The following HCN1 variants were observed in gnomAD, a reference collection of about 807,000 sequenced individuals.
The protein encoded by HCN1 is hyperpolarization activated cyclic nucleotide gated potassium channel 1, also known as potassium/sodium hyperpolarization-activated cyclic nucleotide-gated channel 1.
Under a neutral mutation model 78.9 loss-of-function variants are expected in HCN1, and 13 were observed. That is an observed-to-expected ratio of 0.16 (90% CI 0.11 to 0.26). The LOEUF (loss-of-function observed/expected upper bound fraction) is 0.26. Among genes scored for constraint, HCN1 ranks in the 10% least tolerant of loss-of-function variants. The probability of loss-of-function intolerance (pLI) is 1.00; values close to 1 mark genes in which losing one functional copy is unlikely to be tolerated. For synonymous variants in HCN1, 552 were observed against 455.5 expected, an observed-to-expected ratio of 1.21 and a Z score of -2.70; for missense variants, 810 against 1,154.3, an observed-to-expected ratio of 0.70 and a Z score of 4.32.
chr5:45,422,213 TACTTCTACATG>T (rs1740244624), intron 3 of HCN1, among the ~76,000 whole-genome samples: 1 of 152,224 alleles, frequency 6.6e-6, no homozygotes, highest in Non-Finnish European at 1.5e-5. Context: ...TGTCCAATCA[TACTTCTACATG>T]ACTGTCTACT....
At chr5:45,466,320 C>G (rs1220181010) in intron 2 of HCN1, among the ~76,000 whole-genome samples, 3 of 152,220 alleles carry the variant, frequency 2.0e-5, no homozygotes, top group Non-Finnish European at 2.9e-5. Context: ...AACCAAAAAA[C>G]TATCAAAAAT....
At chr5:45,474,144 T>C (rs932083677) in intron 2 of HCN1, among the ~76,000 whole-genome samples, 1 of 151,888 alleles carries the variant, frequency 6.6e-6, no homozygotes, top group African/African-American at 2.4e-5. Flanking sequence ...TTTTTACTTA[T>C]AATCAAGGCA....
At position 45,260,611 on chromosome 5, in the gene HCN1, T is replaced by C. The variant is rs1744718288; in HGVS notation, c.*1310A>G. The C allele has an allele frequency of 6.6e-6, 1 of 152,602 alleles. No homozygotes were observed. Among genetic ancestry groups the C allele is most frequent in the African/African-American group, 2.4e-5 (1 of 41,446 alleles). 9.5% of individuals were successfully genotyped at this position (152,602 alleles called of 1,614,324 possible). A position where few individuals can be genotyped will look rare whatever the true frequency, so the allele number is the denominator to read the frequency against. ...GTGTTCCCAAACAGACGTGATGCTG[T>C]ATTGAATTTATTTCTTTAAATTAAT... is the stretch of plus-strand genomic sequence containing the variant. On this transcript the variant is annotated 3_prime_UTR_variant, in exon 8 of 8. Transcript: ENST00000303230.
intron 5 of HCN1, among the ~76,000 whole-genome samples, chr5:45,320,249 A>T (rs1315003310): frequency 6.6e-6 from 1 of 151,862 alleles, no homozygotes; most frequent in African/African-American, 2.4e-5. Context: ...AATCTATACC[A>T]CATGACACCT....
At chr5:45,564,426 C>T (rs1743667183) in intron 2 of HCN1, among the ~76,000 whole-genome samples, 1 of 151,924 alleles carries the variant, frequency 6.6e-6, no homozygotes, top group Non-Finnish European at 1.5e-5. Context: ...TTAGTAGAAA[C>T]GGGGTTTCAC....
chr5:45,620,048 A>G (rs1485448675), intron 2 of HCN1, among the ~76,000 whole-genome samples: 1 of 152,122 alleles, frequency 6.6e-6, no homozygotes, highest in Non-Finnish European at 1.5e-5. Context: ...TGAGAAGAGC[A>G]CTTCATCTAA....
At chr5:45,555,541 T>A (rs1416365864) in intron 2 of HCN1, among the ~76,000 whole-genome samples, 1 of 151,540 alleles carries the variant, frequency 6.6e-6, no homozygotes, top group Admixed American at 6.6e-5. Context: ...TAGAAAAAAA[T>A]TCTAAAATTT....
intron 3 of HCN1, among the ~76,000 whole-genome samples, chr5:45,436,028 G>GA (rs1417369238): frequency 1.3e-5 from 2 of 151,980 alleles, no homozygotes; most frequent in Non-Finnish European, 2.9e-5. Flanking sequence ...CATGCATGCT[G>GA]AAAAAAATAA....
intron 3 of HCN1, among the ~76,000 whole-genome samples, chr5:45,413,813 T>C (rs1268968878): frequency 1.3e-5 from 2 of 151,904 alleles, no homozygotes; most frequent in Non-Finnish European, 2.9e-5. Context: ...AATCAAGGTG[T>C]TTTCAAAGAC....
intron 1 of HCN1, among the ~76,000 whole-genome samples, chr5:45,686,151 A>T (rs1430861976): frequency 1.3e-5 from 2 of 151,718 alleles, no homozygotes; most frequent in African/African-American, 2.4e-5. Context: ...TGAGAAAATT[A>T]AGGTCCAGTT....
intron 3 of HCN1, among the ~76,000 whole-genome samples, chr5:45,424,321 CAA>C (rs970190169): frequency 1.3e-5 from 2 of 150,832 alleles, no homozygotes; most frequent in Admixed American, 6.6e-5. Context: ...AAAACAAAAA[CAA>C]AAAAAATAAA....
intron 2 of HCN1, among the ~76,000 whole-genome samples, chr5:45,503,942 C>T (rs1420068885): frequency 6.6e-6 from 1 of 151,978 alleles, no homozygotes; most frequent in African/African-American, 2.4e-5. Context: ...TGCACCACCA[C>T]ACCCAGCTAA....
At chr5:45,677,770 A>G (rs1336015601) in intron 1 of HCN1, among the ~76,000 whole-genome samples, 1 of 151,924 alleles carries the variant, frequency 6.6e-6, no homozygotes, top group Non-Finnish European at 1.5e-5. Context: ...CAACCACAGA[A>G]GTAGCAAACA....
intron 2 of HCN1, among the ~76,000 whole-genome samples, chr5:45,464,360 T>C (rs1036131736): frequency 7.9e-5 from 12 of 152,094 alleles, no homozygotes; most frequent in Non-Finnish European, 1.2e-4. Context: ...TGCTACCAAA[T>C]AGTCATTCCC....
At chr5:45,354,140 C>T (rs1746965230) in intron 4 of HCN1, among the ~76,000 whole-genome samples, 1 of 151,738 alleles carries the variant, frequency 6.6e-6, no homozygotes, top group Admixed American at 6.6e-5. Flanking sequence ...ACCTGGGTGC[C>T]TATTAGAAGA....
intron 2 of HCN1, among the ~76,000 whole-genome samples, chr5:45,495,160 G>T (rs1741996764): frequency 8.1e-6 from 1 of 123,028 alleles, no homozygotes; most frequent in African/African-American, 3.1e-5. Flanking sequence ...GCTTGATGGG[G>T]ATGGCATTGA....
At chr5:45,322,264 T>C (rs534471755) in intron 5 of HCN1, among the ~76,000 whole-genome samples, 1 of 151,990 alleles carries the variant, frequency 6.6e-6, no homozygotes, top group East Asian at 1.9e-4. Flanking sequence ...TGAAATTATA[T>C]GCAAATAGGT....
At chr5:45,299,434 T>C (rs952494757) in intron 6 of HCN1, among the ~76,000 whole-genome samples, 11 of 152,054 alleles carry the variant, frequency 7.2e-5, no homozygotes, top group African/African-American at 2.7e-4. Context: ...TCTCTATAAC[T>C]ATTTTTAATT....
At chr5:45,656,653 G>T (rs1489088276) in intron 1 of HCN1, among the ~76,000 whole-genome samples, 2 of 152,122 alleles carry the variant, frequency 1.3e-5, no homozygotes, top group Non-Finnish European at 2.9e-5. Flanking sequence ...CCAAGAGTTT[G>T]CTCCTAATAT....
Sources: allele counts gnomAD v4.1 joint callset (sites outside exome capture counted in the v4.1 genomes callset), GRCh38; gene constraint gnomAD v4.1.1; transcripts MANE v1.5; gene names NCBI Gene and HGNC (gene_info 2026-07-23, HGNC 2026-07-21).